The following DLGAP1 variants were observed in gnomAD, a reference collection of about 807,000 sequenced individuals.
DLGAP1 encodes DLG associated protein 1.
DLGAP1 carries 11 observed loss-of-function variants against 90.8 expected under a neutral mutation model. The ratio of observed to expected loss-of-function variants is 0.12; its 90% CI spans 0.08 to 0.20. The LOEUF is 0.20. Among genes scored for constraint, DLGAP1 ranks in the 10% least tolerant of loss-of-function variants. The pLI, the probability that DLGAP1 is intolerant of heterozygous loss-of-function variation, is 1.00. For synonymous variants in DLGAP1, 558 were observed against 540.7 expected (o/e 1.03, Z -0.44); for missense variants, 1,050 against 1,333.8 (o/e 0.79, Z 3.31).
At chr18:4,317,297 T>C (rs905115753) in intron 1 of DLGAP1, among the ~76,000 whole-genome samples, 1 of 152,192 alleles carries the variant, frequency 6.6e-6, no homozygotes, top group African/African-American at 2.4e-5. Context: ...TAATTCTTCA[T>C]CTATTACCAT....
At chr18:3,964,706 A>G (rs1269796108) in intron 3 of DLGAP1, among the ~76,000 whole-genome samples, 1 of 152,204 alleles carries the variant, frequency 6.6e-6, no homozygotes, top group Non-Finnish European at 1.5e-5. Context: ...GCAATGATAC[A>G]TGGTAGCCAC....
intron 5 of DLGAP1, among the ~76,000 whole-genome samples, chr18:3,777,641 CAA>C (rs929157917): frequency 5.9e-5 from 9 of 152,104 alleles, no homozygotes; most frequent in African/African-American, 1.9e-4. Context: ...CTTGAAAAAA[CAA>C]AAGAGATGTA....
At chr18:3,736,174 C>T (rs998370866) in intron 6 of DLGAP1, among the ~76,000 whole-genome samples, 4 of 152,062 alleles carry the variant, frequency 2.6e-5, no homozygotes, top group Non-Finnish European at 5.9e-5. Context: ...AGGATTTGGA[C>T]TTGAAATAAA....
At chr18:4,299,999 CA>C (rs34251723) in intron 1 of DLGAP1, among the ~76,000 whole-genome samples, 32,765 of 151,876 alleles carry the variant, frequency 0.22, 3,629 homozygotes, top group African/African-American at 0.25. Flanking sequence ...TTAGAATATC[CA>C]AAAAAAAGCA....
intron 3 of DLGAP1, among the ~76,000 whole-genome samples, chr18:3,993,680 G>C (rs987062401): frequency 1.1e-4 from 16 of 152,146 alleles, no homozygotes; most frequent in Non-Finnish European, 8.8e-5. Flanking sequence ...TGGGGATGAC[G>C]AGTTTAGCAG....
At chr18:4,329,577 C>A (rs912751234) in intron 1 of DLGAP1, among the ~76,000 whole-genome samples, 1 of 151,866 alleles carries the variant, frequency 6.6e-6, no homozygotes, top group African/African-American at 2.4e-5. Flanking sequence ...TTGAAACTAT[C>A]GATCACTTTG....
At chr18:4,421,811 C>A (rs760978168) in intron 1 of DLGAP1, among the ~76,000 whole-genome samples, 1 of 152,092 alleles carries the variant, frequency 6.6e-6, no homozygotes, top group East Asian at 1.9e-4. Flanking sequence ...TAGGTTCAAG[C>A]AACTCTCCTG....
chr18:3,592,863 A>G (rs1222109246), intron 7 of DLGAP1, among the ~76,000 whole-genome samples: 169 of 119,832 alleles, frequency 1.4e-3, no homozygotes, highest in Admixed American at 2.1e-3. Flanking sequence ...AAAAAAAAAA[A>G]AAAAGAAAAA....
rs1156833974 is a variant in DLGAP1, at chr18:4,454,420, C to G, written c.-267+586G>C. On this transcript the variant is annotated intron_variant, in intron 1 of 12. Transcript: ENST00000315677. The surrounding 1 kb of genome is among the most constrained non-coding windows in gnomAD (Gnocchi z 4.7). ...TTGGACCCCATTTCTCTCTCTCTCTCTCTCTCTGTGCCTGTCTTTGTGTCT... is the reference window on the plus strand; with the variant it reads ...TTGGACCCCATTTCTCTCTCTCTCTGTCTCTCTGTGCCTGTCTTTGTGTCT... Among the ~76,000 whole-genome samples the G allele has an allele frequency of 1.3e-5, 2 of 152,230 alleles. No homozygotes were observed. Among genetic ancestry groups the G allele is most frequent in the African/African-American group, 4.8e-5 (2 of 41,458 alleles).
chr18:4,359,038 G>A (rs1418811060), intron 1 of DLGAP1, among the ~76,000 whole-genome samples: 1 of 152,172 alleles, frequency 6.6e-6, no homozygotes, highest in Non-Finnish European at 1.5e-5. Flanking sequence ...AAGGAAGCTT[G>A]GATGTTTTTC....
At chr18:3,968,977 C>T (rs1414009840) in intron 3 of DLGAP1, among the ~76,000 whole-genome samples, 3 of 151,962 alleles carry the variant, frequency 2.0e-5, no homozygotes, top group African/African-American at 4.8e-5. Context: ...TTTTAAAAGA[C>T]ATTTTGCAGG....
chr18:3,618,926 G>A (rs1281578585), intron 7 of DLGAP1, among the ~76,000 whole-genome samples: 10 of 129,228 alleles, frequency 7.7e-5, no homozygotes, highest in East Asian at 2.8e-4. Context: ...GTGACTGAGC[G>A]AGACTCCGTC....
At chr18:4,245,365 A>G (rs762079428) in intron 1 of DLGAP1, among the ~76,000 whole-genome samples, 6 of 152,260 alleles carry the variant, frequency 3.9e-5, no homozygotes, top group Admixed American at 6.5e-5. Context: ...AATCTGCAAA[A>G]GACATATGTA....
intron 2 of DLGAP1, among the ~76,000 whole-genome samples, chr18:4,086,076 G>A: frequency 6.6e-6 from 1 of 152,146 alleles, no homozygotes; most frequent in East Asian, 1.9e-4. Context: ...ATTATAGAAT[G>A]TCCAACTCTG....
intron 1 of DLGAP1, among the ~76,000 whole-genome samples, chr18:4,258,010 T>TGTGTGC (rs529531621): frequency 0.023 from 3,218 of 136,976 alleles, 31 homozygotes; most frequent in South Asian, 0.031. Context: ...TGTGTGTGTG[T>TGTGTGC]GCGCGCGCGC....
At chr18:3,647,338 ATAATT>A (rs2059158327) in intron 7 of DLGAP1, among the ~76,000 whole-genome samples, 1 of 152,020 alleles carries the variant, frequency 6.6e-6, no homozygotes, top group African/African-American at 2.4e-5. Context: ...TGAATTTTTT[ATAATT>A]TAATTTTTGA....
chr18:3,888,914 T>G (rs2071389874), intron 3 of DLGAP1, among the ~76,000 whole-genome samples: 1 of 152,182 alleles, frequency 6.6e-6, no homozygotes, highest in Non-Finnish European at 1.5e-5. Context: ...TATCTGGATT[T>G]TCAGGAGAGG....
Position 4,454,881 on chromosome 18 carries a change from C to A in DLGAP1, c.-267+125G>T, listed in dbSNP as rs2083934841. On this transcript the variant is annotated intron_variant, in intron 1 of 12. Coordinates refer to ENST00000315677, the MANE Select transcript of DLGAP1 (RefSeq NM_004746.4). The surrounding 1 kb of genome is among the most constrained non-coding windows in gnomAD (Gnocchi z 4.7). ...CGAGCCAGCGGCCGGGGGAGCCCAG[C>A]CCGCAGCCCCTCCGCGGGCGAGGGA... The A allele has an allele frequency of 6.6e-6, 1 of 151,376 alleles. No individual in the cohort carries two copies. The highest frequency in any genetic ancestry group is 2.1e-4 in the South Asian group (1 of 4,836). The allele number at this position is 151,376 out of a possible 1,614,324, so 9.4% of individuals were successfully genotyped here. A position where few individuals can be genotyped will look rare whatever the true frequency, so the allele number is the denominator to read the frequency against.
chr18:3,780,999 T>G (rs1225801642), intron 5 of DLGAP1, among the ~76,000 whole-genome samples: 1 of 152,036 alleles, frequency 6.6e-6, no homozygotes, highest in African/African-American at 2.4e-5. Flanking sequence ...TTTAAAAACG[T>G]TTTTTGTAGA....
Sources: allele counts gnomAD v4.1 joint callset (sites outside exome capture counted in the v4.1 genomes callset), GRCh38; gene constraint gnomAD v4.1.1; non-coding constraint Gnocchi (gnomAD v3.1); transcripts MANE v1.5; gene names NCBI Gene and HGNC (gene_info 2026-07-23, HGNC 2026-07-21).